Variants in ACSM3 observed in about 807,000 individuals in gnomAD.
The protein encoded by ACSM3 is acyl-CoA synthetase medium chain family member 3, also known as acyl-coenzyme A synthetase ACSM3, mitochondrial.
A neutral mutation model predicts 74.1 loss-of-function variants in ACSM3; 61 were observed. That is an observed-to-expected ratio of 0.82 (90% confidence interval 0.67 to 1.02). ACSM3 has a LOEUF of 1.02. Ranked by LOEUF, ACSM3 falls within the 50% of genes least tolerant of loss-of-function variation. The pLI, the probability that ACSM3 is intolerant of heterozygous loss-of-function variation, is 0.00. For synonymous variants in ACSM3, 213 were observed against 241.5 expected (o/e 0.88, Z 1.09); for missense variants, 660 against 697.0 (o/e 0.95, Z 0.60).
intron 2 of ACSM3, among the ~76,000 whole-genome samples, chr16:20,751,652 T>A (rs2079989782): frequency 6.6e-6 from 1 of 152,156 alleles, no homozygotes; most frequent in African/African-American, 2.4e-5. Context: ...TTCCTCTGCT[T>A]AGCTGTACCA....
rs922121504 is a variant in ACSM3 at position 20,797,194 on chromosome 16, AAAT to A, written c.*227_*229del. 38 of 1,256,682 alleles carry A rather than the reference AAAT, an allele frequency of 3.0e-5. No homozygotes were observed. In the African/African-American group the frequency reaches 5.8e-4, roughly 19 times the overall value. 77.8% of individuals were successfully genotyped at this position (1,256,682 alleles called of 1,614,324 possible). On this transcript the variant is annotated 3_prime_UTR_variant, in exon 14 of 14. Transcript: ENST00000289416. ...ATGTTCCTATCATTTCTTAATATAAAAATAATACCATCAATTGCTGATTAATTT... is the reference window on the plus strand; with the variant it reads ...ATGTTCCTATCATTTCTTAATATAAAAATACCATCAATTGCTGATTAATTT...
intron 1 of ACSM3, chr16:20,736,221 A>C (rs1443764380): frequency 6.6e-6 from 1 of 152,174 alleles, no homozygotes; most frequent in African/African-American, 2.4e-5. Flanking sequence ...CCCTTGTTGC[A>C]CTAGTATACT....
At chr16:20,741,448 A>G (rs995976257) in intron 1 of ACSM3, 32 of 1,469,168 alleles carry the variant, frequency 2.2e-5, no homozygotes, top group Admixed American at 7.5e-5. Context: ...CCATCCCTCC[A>G]CCCTTCCCTC....
intron 1 of ACSM3, chr16:20,736,372 A>G (rs1271037408): frequency 8.9e-6 from 1 of 111,778 alleles, no homozygotes; most frequent in Non-Finnish European, 2.1e-5. Context: ...TATTACACAC[A>G]AATGTTAAAA....
intron 1 of ACSM3, chr16:20,739,033 T>C: frequency 6.2e-7 from 1 of 1,614,182 alleles, no homozygotes; most frequent in Non-Finnish European, 8.5e-7. Flanking sequence ...CATCATCCTC[T>C]CCCTCACTTC....
chr16:20,746,989 G>A (rs1596496671), intron 1 of ACSM3, among the ~76,000 whole-genome samples: 1 of 151,898 alleles, frequency 6.6e-6, no homozygotes, highest in Admixed American at 6.5e-5. Context: ...ACTTTTCCTG[G>A]TGTTTTGTGG....
chr16:20,769,961 T>G (rs1349712791), intron 1 of ACSM3, 23 bp from the exon 2 acceptor site: 10 of 1,477,558 alleles, frequency 6.8e-6, no homozygotes, highest in Non-Finnish European at 9.4e-6. Flanking sequence ...AACAAATATA[T>G]GTCCTTTTTG....
chr16:20,746,493 G>A (rs774113528), intron 1 of ACSM3, among the ~76,000 whole-genome samples: 15 of 152,184 alleles, frequency 9.9e-5, no homozygotes, highest in East Asian at 5.8e-4. Context: ...TATATATAGC[G>A]TAAAGTAAAA....
At chr16:20,728,203 C>A in intron 1 of ACSM3, 1 of 332,516 alleles carries the variant, frequency 3.0e-6, no homozygotes, top group South Asian at 4.5e-5. Flanking sequence ...AAAATTAAAC[C>A]AGGCTCAATG....
rs1021196297 is a variant in ACSM3 at position 20,746,329 on chromosome 16, C to T, written c.-189-3581C>T. ...AGTATCCATCCCTCAGTCTGATCAC[C>T]TAACCTCATTATTTGTCTATTATTC... On this transcript the variant is annotated intron_variant, in intron 1 of 3. Coordinates refer to the ACSM3 transcript ENST00000561584. Among the ~76,000 whole-genome samples the T allele has an allele frequency of 6.6e-5, 10 of 152,216 alleles. No homozygotes were observed. In the East Asian group the frequency reaches 1.9e-3, roughly 29 times the overall value.
At chr16:20,785,773 TAAAA>T (rs1278885385) in intron 8 of ACSM3, among the ~76,000 whole-genome samples, 1 of 151,952 alleles carries the variant, frequency 6.6e-6, no homozygotes, top group Non-Finnish European at 1.5e-5. Context: ...ATATCAAAAA[TAAAA>T]ATCAAAAATT....
At chr16:20,756,330 C>G (rs923736513) in intron 3 of ACSM3, among the ~76,000 whole-genome samples, 37 of 152,178 alleles carry the variant, frequency 2.4e-4, no homozygotes, top group African/African-American at 8.9e-4. Context: ...GCCATTCTAA[C>G]TGGTGTGAGA....
intron 1 of ACSM3, among the ~76,000 whole-genome samples, chr16:20,740,453 C>T (rs1175161858): frequency 6.6e-6 from 1 of 152,202 alleles, no homozygotes; most frequent in African/African-American, 2.4e-5. Context: ...GCTTGTTGCC[C>T]AGCTCTCTGC....
chr16:20,712,416 G>A (rs1222694860), intron 1 of ACSM3, among the ~76,000 whole-genome samples: 1 of 152,072 alleles, frequency 6.6e-6, no homozygotes, highest in African/African-American at 2.4e-5. Flanking sequence ...TTTACTGAAT[G>A]AATGAGCAAA....
intron 9 of ACSM3, among the ~76,000 whole-genome samples, chr16:20,787,005 G>C (rs973819425): frequency 6.6e-6 from 1 of 152,154 alleles, no homozygotes; most frequent in African/African-American, 2.4e-5. Context: ...GCCATTTCCA[G>C]CCTCTCTGTA....
At position 20,708,030 on chromosome 16, in the gene ACSM3, G is replaced by A. The variant is rs986057779; in HGVS notation, c.-190+33208G>A. Among the ~76,000 whole-genome samples, 24 of 152,230 alleles carry A rather than the reference G, an allele frequency of 1.6e-4. 1 individual carries two copies. Among genetic ancestry groups the A allele is most frequent in the Non-Finnish European group, 3.4e-4 (23 of 68,044 alleles). On this transcript the variant is annotated intron_variant, in intron 1 of 3. Transcript: ENST00000561584. ...ATAAAAGTTTTTCTTGCAGGGCATG[G>A]TGGTTCATGCCTGTAATCCCAGCAC...
chr16:20,760,584 G>A (rs2080068887), upstream of ACSM3, among the ~76,000 whole-genome samples: 1 of 152,092 alleles, frequency 6.6e-6, no homozygotes, highest in Non-Finnish European at 1.5e-5. Flanking sequence ...CCATGCTAGG[G>A]AGGTAAGCAG....
In ACSM3 at chr16:20,700,050, T is replaced by TG. The variant is rs1336844180; in HGVS notation, c.-190+25229dup. Reference sequence around the variant, plus strand: ...ATGAGTTTTCTGTACTCTCTTCCCCTGATTCAATGCTCCTGGAAACCATAT... The same window carrying TG: ...ATGAGTTTTCTGTACTCTCTTCCCCTGGATTCAATGCTCCTGGAAACCATAT... On this transcript the variant is annotated intron_variant, in intron 1 of 3. Coordinates refer to the ACSM3 transcript ENST00000561584. Among the ~76,000 whole-genome samples the TG allele has an allele frequency of 2.6e-5, 4 of 152,310 alleles. No homozygotes were observed. The South Asian group carries it at 8.4e-4, about 32-fold the overall frequency.
chr16:20,691,985 T>A (rs1479862715), intron 1 of ACSM3, among the ~76,000 whole-genome samples: 4 of 152,160 alleles, frequency 2.6e-5, no homozygotes, highest in African/African-American at 9.7e-5. Context: ...TTCAAGTCCC[T>A]GGTTCAAATT....
Sources: gnomAD v4.1 joint callset for allele counts (sites outside exome capture counted in the v4.1 genomes callset) on GRCh38, gnomAD v4.1.1 for gene constraint, MANE v1.5 for transcripts, NCBI Gene and HGNC (gene_info 2026-07-23, HGNC 2026-07-21) for gene names.